AUTS2: variants seen among roughly 807,000 people sequenced by gnomAD.
The protein encoded by AUTS2 is activator of transcription and developmental regulator AUTS2.
AUTS2 carries 17 observed loss-of-function variants against 112.4 expected under a neutral mutation model. The ratio of observed to expected loss-of-function variants is 0.15; its 90% CI spans 0.10 to 0.23. AUTS2 has a LOEUF of 0.23. Ranked by LOEUF, AUTS2 falls within the 10% of genes least tolerant of loss-of-function variation. AUTS2 has a pLI of 1.00. For synonymous variants in AUTS2, 751 were observed against 702.7 expected (o/e 1.07, Z -1.09); for missense variants, 1,510 against 1,701.6 (o/e 0.89, Z 1.98).
intron 6 of AUTS2, among the ~76,000 whole-genome samples, chr7:70,760,604 A>G (rs1051329387): frequency 6.6e-6 from 1 of 152,238 alleles, no homozygotes; most frequent in Admixed American, 6.5e-5. Context: ...ACATGGAGAG[A>G]CACAGAGCTG....
At chr7:70,140,287 C>T (rs899515874) in intron 4 of AUTS2, among the ~76,000 whole-genome samples, 1 of 151,994 alleles carries the variant, frequency 6.6e-6, no homozygotes, top group Non-Finnish European at 1.5e-5. Context: ...TTGATTAGAC[C>T]CAGTGTTCGT....
chr7:70,125,057 G>C (rs1319699018), intron 3 of AUTS2, among the ~76,000 whole-genome samples: 1 of 151,986 alleles, frequency 6.6e-6, no homozygotes, highest in Non-Finnish European at 1.5e-5. Flanking sequence ...TGTCACCTGT[G>C]CCATTTCTGG....
At chr7:69,820,048 A>G (rs1463846923) in intron 1 of AUTS2, among the ~76,000 whole-genome samples, 2 of 152,178 alleles carry the variant, frequency 1.3e-5, no homozygotes, top group Non-Finnish European at 2.9e-5. Context: ...GCTGCATTTC[A>G]TGGAGTTTAT....
chr7:69,623,249 G>C (rs984070748), intron 1 of AUTS2, among the ~76,000 whole-genome samples: 3 of 152,030 alleles, frequency 2.0e-5, no homozygotes, highest in Non-Finnish European at 4.4e-5. Flanking sequence ...GGGGGACAAG[G>C]TCTCGTTCTG....
At chr7:69,986,282 A>G (rs1164727250) in intron 2 of AUTS2, among the ~76,000 whole-genome samples, 1 of 152,242 alleles carries the variant, frequency 6.6e-6, no homozygotes, top group African/African-American at 2.4e-5. Context: ...GCAGTGAGTA[A>G]GAACATTAAT....
intron 4 of AUTS2, among the ~76,000 whole-genome samples, chr7:70,210,302 G>A (rs1172284688): frequency 4.6e-5 from 7 of 152,140 alleles, no homozygotes; most frequent in Non-Finnish European, 8.8e-5. Context: ...TCGTATTTTC[G>A]TAATTAGATC....
At chr7:69,743,053 T>C (rs1274443044) in intron 1 of AUTS2, among the ~76,000 whole-genome samples, 1 of 152,220 alleles carries the variant, frequency 6.6e-6, no homozygotes, top group Non-Finnish European at 1.5e-5. Flanking sequence ...TTGATGCTTG[T>C]CTTTAGGTGG....
At chr7:70,328,817 T>A (rs1174530809) in intron 4 of AUTS2, among the ~76,000 whole-genome samples, 1 of 152,206 alleles carries the variant, frequency 6.6e-6, no homozygotes, top group African/African-American at 2.4e-5. Flanking sequence ...ATTAACAATT[T>A]TAAAGTGAAC....
chr7:70,640,782 C>T (rs549261642), intron 5 of AUTS2, among the ~76,000 whole-genome samples: 331 of 152,250 alleles, frequency 2.2e-3, no homozygotes, highest in South Asian at 3.9e-3. Flanking sequence ...TGATGTGGGC[C>T]GTAGCACTGC....
At chr7:69,642,685 C>T (rs1372524130) in intron 1 of AUTS2, among the ~76,000 whole-genome samples, 1 of 152,168 alleles carries the variant, frequency 6.6e-6, no homozygotes, top group East Asian at 1.9e-4. Context: ...CATTTCCATG[C>T]ATTTATTTCA....
intron 5 of AUTS2, among the ~76,000 whole-genome samples, chr7:70,648,090 A>G (rs1219812716): frequency 6.6e-6 from 1 of 152,146 alleles, no homozygotes; most frequent in Non-Finnish European, 1.5e-5. Context: ...CATTTATAAC[A>G]TGGGAATAAT....
rs561568617 is a variant in AUTS2 at position 70,247,149 on chromosome 7, A to T, written c.660+112578A>T. 1.6e-4 allele frequency among the ~76,000 whole-genome samples: 24 copies of T among 152,310 alleles called. No homozygotes were observed. The South Asian group carries it at 5.0e-3, about 32-fold the overall frequency. ...ATTGACTGATAAAAGGATAAACAAA[A>T]TGTAGTATATTTATACAATGGAATA... On this transcript the variant is annotated intron_variant, in intron 4 of 18. Transcript: ENST00000342771.
chr7:70,312,657 G>T (rs1028615077), intron 4 of AUTS2, among the ~76,000 whole-genome samples: 2 of 152,028 alleles, frequency 1.3e-5, no homozygotes, highest in African/African-American at 4.8e-5. Flanking sequence ...GATAGGAAAG[G>T]GTGGCCCCAC....
At chr7:70,173,704 C>T (rs559450602) in intron 4 of AUTS2, among the ~76,000 whole-genome samples, 4 of 152,292 alleles carry the variant, frequency 2.6e-5, no homozygotes, top group South Asian at 2.1e-4. Flanking sequence ...CTCTGTGTGA[C>T]ATTTTGGTAA....
chr7:70,228,531 G>A (rs909934013), intron 4 of AUTS2, among the ~76,000 whole-genome samples: 4 of 151,280 alleles, frequency 2.6e-5, no homozygotes, highest in South Asian at 4.2e-4. Context: ...GTGTGTTTTA[G>A]TGTATCATTT....
intron 1 of AUTS2, among the ~76,000 whole-genome samples, chr7:69,842,362 G>A (rs1792018098): frequency 6.6e-6 from 1 of 152,170 alleles, no homozygotes; most frequent in African/African-American, 2.4e-5. Flanking sequence ...TCTCTTTAAA[G>A]CACATACCTT....
chr7:70,560,240 C>T (rs527511244), intron 5 of AUTS2, among the ~76,000 whole-genome samples: 5 of 152,346 alleles, frequency 3.3e-5, no homozygotes, highest in African/African-American at 7.2e-5. Context: ...ATCACTCTAT[C>T]TACTTATCCA....
chr7:70,790,328 A>G lies in AUTS2; in HGVS notation c.3112A>G (p.Ser1038Gly), dbSNP rs1238333817. 6.2e-7 allele frequency: 1 copy of G among 1,613,684 alleles called. No individual in the cohort carries two copies. The highest frequency in any genetic ancestry group is 1.3e-5 in the African/African-American group (1 of 74,938). The part of the protein sequence containing the change: ...VTGIHPMNSI[S>G]SLDRTRMMTP... ...GGGCATTCACCCCATGAACAGCATC[A>G]GCAGCCTGGACAGGACTCGCATGAT... The change falls in exon 19 of 19, where the codon AGC becomes GGC. Residue 1038 changes from serine (S) to glycine (G), a missense_variant. Physicochemically the swap from Ser to Gly is moderately conservative, Grantham distance 56. This residue lies in a region of AUTS2 where 788 missense variants were observed against 797.6 expected (regional missense o/e 0.99). Coordinates refer to ENST00000342771, the MANE Select transcript of AUTS2 (RefSeq NM_015570.4). The surrounding 1 kb of genome is among the most constrained non-coding windows in gnomAD (Gnocchi z 7.6).
In AUTS2 at chr7:70,405,986, TA is replaced by T. The variant is rs1390918031; in HGVS notation, c.661-29765del. Among the ~76,000 whole-genome samples the T allele has an allele frequency of 3.9e-5, 6 of 152,284 alleles. No individual in the cohort carries two copies. In the East Asian group the frequency reaches 1.2e-3, roughly 29 times the overall value. On this transcript the variant is annotated intron_variant, in intron 4 of 18. Coordinates refer to ENST00000342771, the MANE Select transcript of AUTS2 (RefSeq NM_015570.4). ...TTGGTGATTTTAGTAATTATAGTGGTATTGGCAATTCATGGTGGTGGTGGCG... is the reference window on the plus strand; with the variant it reads ...TTGGTGATTTTAGTAATTATAGTGGTTTGGCAATTCATGGTGGTGGTGGCG...
Sources: allele counts gnomAD v4.1 joint callset (sites outside exome capture counted in the v4.1 genomes callset), GRCh38; gene constraint gnomAD v4.1.1; regional missense constraint gnomAD v4.1.1; non-coding constraint Gnocchi (gnomAD v3.1); transcripts MANE v1.5; gene names NCBI Gene and HGNC (gene_info 2026-07-23, HGNC 2026-07-21).